The following PCDHGB3 variants were observed in gnomAD, a reference collection of about 807,000 sequenced individuals.
PCDHGB3 encodes protocadherin gamma-B3.
A neutral mutation model predicts 59.2 loss-of-function variants in PCDHGB3; 40 were observed. The observed-to-expected ratio is 0.68, with a 90% CI of 0.52 to 0.88. The LOEUF (loss-of-function observed/expected upper bound fraction) is 0.88. PCDHGB3 is among the 40% of genes least tolerant of loss of function. PCDHGB3 has a pLI of 0.00. For synonymous variants in PCDHGB3, 581 were observed against 503.6 expected, an observed-to-expected ratio of 1.15 and a Z score of -2.06; for missense variants, 1,309 against 1,187.9, an observed-to-expected ratio of 1.10 and a Z score of -1.50.
chr5:141,481,066 A>G (rs1366968394), intron 1 of PCDHGB3, among the ~76,000 whole-genome samples: 1 of 152,156 alleles, frequency 6.6e-6, no homozygotes, highest in Non-Finnish European at 1.5e-5. Flanking sequence ...TCAAAAACAA[A>G]AAGAAAGAAA....
Position 141,372,173 on chromosome 5 carries a change from G to T in PCDHGB3, c.1779G>T (p.Ala593=). Residue 593 remains alanine, a synonymous_variant, in exon 1 of 4, where the codon GCG becomes GCT. Coordinates refer to ENST00000576222, the MANE Select transcript of PCDHGB3 (RefSeq NM_018924.5). ...GCTACCTGGTGACCAAGGTGGTGGC[G>T]GTGGACGCAGACTCGGGATACAACG... ...EPGYLVTKVV[A]VDADSGYNAW... is the part of the protein sequence containing the mutation. 1 of 1,613,722 alleles carries T rather than the reference G, an allele frequency of 6.2e-7. No homozygotes were observed. The highest frequency in any genetic ancestry group is 8.5e-7 in the Non-Finnish European group (1 of 1,179,926).
At chr5:141,383,476 G>T (rs983488072) in intron 1 of PCDHGB3, 1 of 1,613,748 alleles carries the variant, frequency 6.2e-7, no homozygotes, top group South Asian at 1.1e-5. Context: ...TAAGTACCCG[G>T]AACTGGTGCT....
intron 1 of PCDHGB3, among the ~76,000 whole-genome samples, chr5:141,457,698 G>C (rs1008393847): frequency 7.9e-5 from 12 of 152,234 alleles, no homozygotes; most frequent in Admixed American, 5.2e-4. Flanking sequence ...GATTGGCTTT[G>C]ATGAAACACT....
rs200505160 is a variant in PCDHGB3, at chr5:141,371,948, A to C, written c.1554A>C (p.Arg518=). ...GGAGCGGGGTGGTGTTCGCGCAGCG[A>C]GCCTTCGACCACGAGCAGCTGCGTG... is the stretch of plus-strand genomic sequence containing the variant. The part of the protein sequence containing the change: ...SARSGVVFAQ[R]AFDHEQLRAF... The change falls in exon 1 of 4, where the codon CGA becomes CGC. Residue 518 remains arginine (R), a synonymous_variant. Transcript: ENST00000576222. 1.9e-6 allele frequency: 3 copies of C among 1,613,136 alleles called. No homozygotes were observed. Among genetic ancestry groups the C allele is most frequent in the Admixed American group, 1.7e-5 (1 of 59,998 alleles).
chr5:141,382,928 A>G (rs746763440), intron 1 of PCDHGB3: 9 of 1,582,188 alleles, frequency 5.7e-6, no homozygotes, highest in South Asian at 3.4e-5. Flanking sequence ...GGCGGGGACT[A>G]CAGAGGATTC....
chr5:141,410,078 G>T, intron 1 of PCDHGB3: 4 of 1,612,820 alleles, frequency 2.5e-6, no homozygotes, highest in East Asian at 2.2e-5. Flanking sequence ...CACTGGGGAG[G>T]TGCGCACGGC....
intron 1 of PCDHGB3, chr5:141,417,532 TA>T (rs1457524771): frequency 6.7e-5 from 19 of 284,780 alleles, no homozygotes; most frequent in South Asian, 1.5e-4. Context: ...ACTCGTAGTT[TA>T]AAAAAAATTC....
At chr5:141,496,262 C>G (rs934511905) in intron 2 of PCDHGB3, among the ~76,000 whole-genome samples, 3 of 152,158 alleles carry the variant, frequency 2.0e-5, no homozygotes, top group African/African-American at 7.2e-5. Flanking sequence ...GAAACTTCAG[C>G]AGAAAGACCT....
intron 1 of PCDHGB3, among the ~76,000 whole-genome samples, chr5:141,457,465 A>G (rs915755113): frequency 1.3e-5 from 2 of 152,194 alleles, no homozygotes; most frequent in African/African-American, 2.4e-5. Context: ...GATTCACAGG[A>G]ATAAGCAGGG....
intron 1 of PCDHGB3, chr5:141,403,929 G>T: frequency 6.2e-7 from 1 of 1,613,854 alleles, no homozygotes; most frequent in Non-Finnish European, 8.5e-7. Flanking sequence ...GATGGTGGGG[G>T]ATTGAAAGGG....
rs762476625 is a variant in PCDHGB3 at position 141,420,218 on chromosome 5, C to A, written c.2415+47409C>A. On this transcript the variant is annotated intron_variant, in intron 1 of 3. Coordinates refer to ENST00000576222, the MANE Select transcript of PCDHGB3 (RefSeq NM_018924.5). The stretch of plus-strand genomic sequence containing the variant: ...AGATAACCTCAACAAAGATAGCATG[C>A]TACTGGCTAGCATTTTAACTCCCAG... 4 of 1,608,408 alleles carry A rather than the reference C, an allele frequency of 2.5e-6. No individual in the cohort carries two copies. In the South Asian group the frequency reaches 4.4e-5, roughly 18 times the overall value.
intron 2 of PCDHGB3, among the ~76,000 whole-genome samples, chr5:141,501,528 A>G (rs1173385747): frequency 6.6e-6 from 1 of 151,978 alleles, no homozygotes; most frequent in Non-Finnish European, 1.5e-5. Context: ...GAAGCCCAGT[A>G]CGTTGTTGTG....
intron 1 of PCDHGB3, chr5:141,422,122 A>G (rs758254144): frequency 6.2e-7 from 1 of 1,601,596 alleles, no homozygotes; most frequent in African/African-American, 1.4e-5. Context: ...GGATTCACAA[A>G]CTGGAGAAGT....
Position 141,489,068 on chromosome 5 carries a change from G to GC in PCDHGB3, c.2416-5736dup. ...CTCAAATTCAGCTCCCCTCCCCCCT[G>GC]CCCACCCCCGCCACTCGGTGACTAA... On this transcript the variant is annotated intron_variant, in intron 1 of 3. Transcript: ENST00000576222. The surrounding 1 kb of genome is among the most constrained non-coding windows in gnomAD (Gnocchi z 4.5). 3 of 291,558 alleles carry GC rather than the reference G, an allele frequency of 1.0e-5. No homozygotes were observed. Among genetic ancestry groups the GC allele is most frequent in the Admixed American group, 5.4e-5 (1 of 18,530 alleles). 18.1% of individuals were successfully genotyped at this position (291,558 alleles called of 1,614,324 possible).
At chr5:141,435,214 A>C (rs1314928643) in intron 1 of PCDHGB3, among the ~76,000 whole-genome samples, 1 of 152,176 alleles carries the variant, frequency 6.6e-6, no homozygotes, top group Non-Finnish European at 1.5e-5. Flanking sequence ...AAGTGAATTT[A>C]CTTTCTTTCA....
In PCDHGB3 at chr5:141,404,331, A is replaced by G. The variant is rs201757016; in HGVS notation, c.2415+31522A>G. On this transcript the variant is annotated intron_variant, in intron 1 of 3. Coordinates refer to ENST00000576222, the MANE Select transcript of PCDHGB3 (RefSeq NM_018924.5). ...TTCTCTCAAGCCTCCTACTCAGTCT[A>G]CCTCCCGGAAAACAACGCCAGAGGT... 101 of 1,613,692 alleles carry G rather than the reference A, an allele frequency of 6.3e-5. 1 individual carries two copies. The highest frequency in any genetic ancestry group is 6.0e-4 in the African/African-American group (45 of 74,944).
chr5:141,412,963 G>T, intron 1 of PCDHGB3: 1 of 518,228 alleles, frequency 1.9e-6, no homozygotes, highest in East Asian at 3.1e-5. Context: ...TCACCTACTA[G>T]GAGAGAAAAC....
chr5:141,389,896 C>G, intron 1 of PCDHGB3: 8 of 1,614,078 alleles, frequency 5.0e-6, no homozygotes, highest in Non-Finnish European at 6.8e-6. Context: ...GAGGTGCTGC[C>G]GGATATCACT....
At chr5:141,423,755 G>GT (rs542747697) in intron 1 of PCDHGB3, 5 of 512,416 alleles carry the variant, frequency 9.8e-6, no homozygotes, top group Admixed American at 7.1e-5. Context: ...CTGTTTGGGG[G>GT]GGGGGTGGGG....
Sources: allele counts gnomAD v4.1 joint callset (sites outside exome capture counted in the v4.1 genomes callset), GRCh38; gene constraint gnomAD v4.1.1; non-coding constraint Gnocchi (gnomAD v3.1); transcripts MANE v1.5; gene names NCBI Gene and HGNC (gene_info 2026-07-23, HGNC 2026-07-21).